The following RPS6KA2 variants were observed in gnomAD, a reference collection of about 807,000 sequenced individuals.
RPS6KA2 encodes ribosomal protein S6 kinase A2, also known as ribosomal protein S6 kinase alpha-2.
A neutral mutation model predicts 91.8 loss-of-function variants in RPS6KA2; 42 were observed. The observed-to-expected ratio is 0.46, with a 90% CI of 0.36 to 0.59. The LOEUF (loss-of-function observed/expected upper bound fraction) is 0.59, where lower values mean the gene tolerates loss of function less well. Among genes scored for constraint, RPS6KA2 ranks in the 20% least tolerant of loss-of-function variants. The probability of loss-of-function intolerance (pLI) is 0.00; values close to 1 mark genes in which losing one functional copy is unlikely to be tolerated. For missense variants in RPS6KA2, 798 were observed against 978.5 expected, an observed-to-expected ratio of 0.82 and a Z score of 2.46; for synonymous variants, 414 against 393.6, an observed-to-expected ratio of 1.05 and a Z score of -0.61.
At chr6:166,561,795 C>A (rs554037046) in intron 1 of RPS6KA2, among the ~76,000 whole-genome samples, 1 of 152,012 alleles carries the variant, frequency 6.6e-6, no homozygotes, top group Non-Finnish European at 1.5e-5. Context: ...CGATGGGCTG[C>A]GGGTTGGACA....
At chr6:166,756,376 T>C (rs1013292258) in intron 2 of RPS6KA2, among the ~76,000 whole-genome samples, 1 of 152,252 alleles carries the variant, frequency 6.6e-6, no homozygotes, top group Non-Finnish European at 1.5e-5. Context: ...GGTCTGTCAG[T>C]GATTTCTAGA....
intron 2 of RPS6KA2, among the ~76,000 whole-genome samples, chr6:166,686,575 T>C (rs753264261): frequency 3.9e-5 from 6 of 152,218 alleles, no homozygotes; most frequent in Non-Finnish European, 8.8e-5. Context: ...GCAGCCCATG[T>C]GGCTTAGCTT....
chr6:166,420,842 T>C (rs1007925168), intron 17 of RPS6KA2, among the ~76,000 whole-genome samples: 1 of 152,244 alleles, frequency 6.6e-6, no homozygotes, highest in South Asian at 2.1e-4. Context: ...TAGGATTACA[T>C]ACTTCAGTAG....
At chr6:166,595,842 T>C (rs962014511) in intron 1 of RPS6KA2, among the ~76,000 whole-genome samples, 5 of 152,152 alleles carry the variant, frequency 3.3e-5, no homozygotes, top group Admixed American at 6.5e-5. Flanking sequence ...GTATTACCAA[T>C]AAAGGAATGG....
chr6:166,766,216 T>C (rs531690104), intron 2 of RPS6KA2, among the ~76,000 whole-genome samples: 24 of 152,314 alleles, frequency 1.6e-4, no homozygotes, highest in Non-Finnish European at 2.2e-4. Context: ...ACAACACTTA[T>C]CCATGTTACT....
chr6:166,468,848 A>G (rs529900951), intron 11 of RPS6KA2, among the ~76,000 whole-genome samples: 2,854 of 69,318 alleles, frequency 0.041, 113 homozygotes, highest in African/African-American at 0.18. Flanking sequence ...TGGGCGACAG[A>G]GCGAGACTAA....
chr6:166,567,046 T>A (rs1374124905), intron 1 of RPS6KA2, among the ~76,000 whole-genome samples: 1 of 152,206 alleles, frequency 6.6e-6, no homozygotes, highest in Non-Finnish European at 1.5e-5. Context: ...GCTTCCAGAA[T>A]GGGTCACATG....
chr6:166,435,657 C>A lies in RPS6KA2; in HGVS notation c.1333-3167G>T, dbSNP rs981278499. ...AAGGGGCCCACGAGTGCTGCTGTTTCTCACCACAGGGTAGAGCCAGCGGTC... is the reference window on the plus strand; with the variant it reads ...AAGGGGCCCACGAGTGCTGCTGTTTATCACCACAGGGTAGAGCCAGCGGTC... On this transcript the variant is annotated intron_variant, in intron 14 of 20. Transcript: ENST00000265678. This position sits in a 1 kb window ranked among gnomAD's most constrained non-coding sequence, Gnocchi z 4.3. Among the ~76,000 whole-genome samples the A allele has an allele frequency of 3.9e-5, 6 of 152,264 alleles. No individual in the cohort carries two copies. The highest frequency in any genetic ancestry group is 4.4e-5 in the Non-Finnish European group (3 of 68,048).
chr6:166,800,894 A>G (rs1475434980), intron 2 of RPS6KA2, among the ~76,000 whole-genome samples: 2 of 152,246 alleles, frequency 1.3e-5, no homozygotes, highest in African/African-American at 4.8e-5. Flanking sequence ...TATGTAAAAT[A>G]ACTGAAACAG....
At chr6:166,449,094 G>T (rs1481490556) in intron 13 of RPS6KA2, among the ~76,000 whole-genome samples, 1 of 152,192 alleles carries the variant, frequency 6.6e-6, no homozygotes, top group Non-Finnish European at 1.5e-5. Context: ...AGGCCGTTCT[G>T]TGTCCACTGG....
intron 2 of RPS6KA2, among the ~76,000 whole-genome samples, chr6:166,692,826 G>C (rs910870927): frequency 1.3e-5 from 2 of 152,182 alleles, no homozygotes; most frequent in African/African-American, 4.8e-5. Context: ...AGAAGGCTTG[G>C]CGGAGGAGAG....
chr6:166,558,305 T>C (rs1784236304), intron 1 of RPS6KA2, among the ~76,000 whole-genome samples: 1 of 152,092 alleles, frequency 6.6e-6, no homozygotes, highest in African/African-American at 2.4e-5. Context: ...GCTCAAGCTG[T>C]CAGGCAGGAG....
intron 9 of RPS6KA2, 128 bp from the exon 10 acceptor site, chr6:166,489,049 G>A: frequency 1.5e-6 from 1 of 688,730 alleles, no homozygotes; most frequent in African/African-American, 1.8e-5. Flanking sequence ...TACCACGTGG[G>A]TCTTAGGACC....
chr6:166,803,493 G>A (rs1214238112), intron 2 of RPS6KA2, among the ~76,000 whole-genome samples: 1 of 152,200 alleles, frequency 6.6e-6, no homozygotes. Context: ...CATGTTATGA[G>A]GCCCAAACCA....
intron 1 of RPS6KA2, among the ~76,000 whole-genome samples, chr6:166,562,937 C>A (rs917202161): frequency 4.6e-5 from 7 of 152,202 alleles, no homozygotes; most frequent in African/African-American, 1.7e-4. Context: ...GGGGCAGAAG[C>A]AGGGGTACAA....
intron 2 of RPS6KA2, among the ~76,000 whole-genome samples, chr6:166,710,309 T>C (rs1190853494): frequency 6.6e-6 from 1 of 152,238 alleles, no homozygotes; most frequent in South Asian, 2.1e-4. Flanking sequence ...TCAGTTATAT[T>C]GGACAGATCA....
At chr6:166,542,042 G>A (rs1263883514) in intron 1 of RPS6KA2, among the ~76,000 whole-genome samples, 1 of 152,210 alleles carries the variant, frequency 6.6e-6, no homozygotes, top group African/African-American at 2.4e-5. Flanking sequence ...TGAACTTGCT[G>A]GAGGATGCTT....
intron 2 of RPS6KA2, among the ~76,000 whole-genome samples, chr6:166,768,630 G>A (rs559891606): frequency 6.6e-6 from 1 of 152,208 alleles, no homozygotes; most frequent in South Asian, 2.1e-4. Flanking sequence ...GGGAGAGAGA[G>A]AGGAAAACAA....
chr6:166,561,311 G>T (rs1273950149), intron 1 of RPS6KA2, among the ~76,000 whole-genome samples: 2 of 152,026 alleles, frequency 1.3e-5, no homozygotes, highest in African/African-American at 2.4e-5. Context: ...CCAGCTCAAG[G>T]TCCCTGCTTT....
Sources: allele counts gnomAD v4.1 joint callset (sites outside exome capture counted in the v4.1 genomes callset), GRCh38; gene constraint gnomAD v4.1.1; non-coding constraint Gnocchi (gnomAD v3.1); transcripts MANE v1.5; gene names NCBI Gene and HGNC (gene_info 2026-07-23, HGNC 2026-07-21).